The following CADM2 variants were observed in gnomAD, a reference collection of about 807,000 sequenced individuals.
The protein encoded by CADM2 is immunoglobulin superfamily member 4D.
CADM2 carries 12 observed loss-of-function variants against 49.8 expected under a neutral mutation model. That is an observed-to-expected ratio of 0.24 (90% CI 0.15 to 0.39). The LOEUF (loss-of-function observed/expected upper bound fraction) is 0.39, where lower values mean the gene tolerates loss of function less well. Ranked by LOEUF, CADM2 falls within the 10% of genes least tolerant of loss-of-function variation. The pLI, the probability that CADM2 is intolerant of heterozygous loss-of-function variation, is 1.00. For synonymous variants in CADM2, 214 were observed against 175.4 expected (o/e 1.22, Z -1.74); for missense variants, 378 against 492.3 (o/e 0.77, Z 2.20).
At chr3:85,508,296 T>C (rs1360115112) in intron 1 of CADM2, among the ~76,000 whole-genome samples, 2 of 152,180 alleles carry the variant, frequency 1.3e-5, no homozygotes, top group Non-Finnish European at 2.9e-5. Context: ...CAAAATAACC[T>C]ATCCCAGTAG....
At chr3:85,924,221 T>C (rs1289480895) in intron 6 of CADM2, among the ~76,000 whole-genome samples, 3 of 152,202 alleles carry the variant, frequency 2.0e-5, no homozygotes, top group Non-Finnish European at 4.4e-5. Context: ...ACACAAATTA[T>C]GAAATATCAT....
At chr3:85,136,962 A>T (rs1279686387) in intron 1 of CADM2, among the ~76,000 whole-genome samples, 1 of 152,014 alleles carries the variant, frequency 6.6e-6, no homozygotes, top group South Asian at 2.1e-4. Flanking sequence ...TGCAAATAAG[A>T]TATTTCACAC....
At chr3:85,676,291 A>G (rs1577066547) in intron 1 of CADM2, among the ~76,000 whole-genome samples, 1 of 152,034 alleles carries the variant, frequency 6.6e-6, no homozygotes, top group South Asian at 2.1e-4. Flanking sequence ...TTTTTTGTCT[A>G]TTTCCCTCCC....
chr3:85,915,467 C>T (rs2108488949), intron 6 of CADM2, among the ~76,000 whole-genome samples: 1 of 152,110 alleles, frequency 6.6e-6, no homozygotes, highest in South Asian at 2.1e-4. Context: ...AGAACATTCT[C>T]CGGAGATTAA....
intron 2 of CADM2, among the ~76,000 whole-genome samples, chr3:85,764,174 A>G (rs9875880): frequency 0.15 from 22,073 of 145,364 alleles, 2,034 homozygotes; most frequent in Non-Finnish European, 0.21. Flanking sequence ...TCTAAGTACT[A>G]TATTATAAGG....
At chr3:86,009,739 T>C (rs1324569405) in intron 8 of CADM2, among the ~76,000 whole-genome samples, 2 of 151,846 alleles carry the variant, frequency 1.3e-5, no homozygotes, top group Non-Finnish European at 3.0e-5. Context: ...TCTAATGGGA[T>C]TTCATGTGTA....
At chr3:86,013,979 A>G in intron 8 of CADM2, 1 of 1,480,980 alleles carries the variant, frequency 6.8e-7, no homozygotes. Context: ...TATCTGTTGC[A>G]TTAGGAACAA....
intron 7 of CADM2, among the ~76,000 whole-genome samples, chr3:85,945,748 T>G (rs927160190): frequency 2.0e-5 from 3 of 152,072 alleles, no homozygotes; most frequent in Non-Finnish European, 2.9e-5. Flanking sequence ...CTAAAAACTC[T>G]CAATAAATTA....
chr3:85,183,432 CA>C (rs548201167), intron 1 of CADM2, among the ~76,000 whole-genome samples: 195 of 151,902 alleles, frequency 1.3e-3, no homozygotes, highest in African/African-American at 4.2e-3. Context: ...AAGGAATTCA[CA>C]AAGAAAAAAA....
Position 85,979,102 on chromosome 3 carries a change from A to G in CADM2, c.970+17455A>G, listed in dbSNP as rs903983125. The G allele has an allele frequency of 4.5e-6, 7 of 1,561,834 alleles. No individual in the cohort carries two copies. The African/African-American group carries it at 8.2e-5, about 18-fold the overall frequency. ...GTTATATGTATTTATAATTTGAATC[A>G]TTTGTGTTTCTCTTTTGTTTGCATG... is the stretch of plus-strand genomic sequence containing the variant. On this transcript the variant is annotated intron_variant, in intron 8 of 9. Transcript: ENST00000383699.
chr3:85,993,256 T>C (rs1729002170), intron 8 of CADM2: 1 of 152,162 alleles, frequency 6.6e-6, no homozygotes. Context: ...GATTTCAGCT[T>C]AAGAAATCAT....
chr3:85,464,940 C>T (rs1283245212), intron 1 of CADM2, among the ~76,000 whole-genome samples: 1 of 151,986 alleles, frequency 6.6e-6, no homozygotes, highest in African/African-American at 2.4e-5. Flanking sequence ...ACAAGGTCAG[C>T]AGATCAAGAC....
intron 1 of CADM2, among the ~76,000 whole-genome samples, chr3:85,133,268 C>T (rs1559680856): frequency 6.6e-6 from 1 of 152,172 alleles, no homozygotes; most frequent in South Asian, 2.1e-4. Context: ...CTCGCTCGGG[C>T]AGCGTGCTTT....
intron 1 of CADM2, among the ~76,000 whole-genome samples, chr3:85,229,075 A>G: frequency 6.6e-6 from 1 of 152,174 alleles, no homozygotes; most frequent in East Asian, 1.9e-4. Context: ...GGCTCTGCCC[A>G]GTTTGAACTT....
chr3:85,277,935 A>G (rs2043398580), intron 1 of CADM2, among the ~76,000 whole-genome samples: 1 of 151,312 alleles, frequency 6.6e-6, no homozygotes, highest in Non-Finnish European at 1.5e-5. Flanking sequence ...AGGCTACAAT[A>G]TTGATAGCCA....
At chr3:85,336,966 TAAA>T (rs1559786523) in intron 1 of CADM2, among the ~76,000 whole-genome samples, 810 of 17,796 alleles carry the variant, frequency 0.046, 4 homozygotes, top group Non-Finnish European at 0.24. Context: ...ATATATATAT[TAAA>T]TATATATTTA....
chr3:85,688,541 A>C (rs1204004293), intron 1 of CADM2, among the ~76,000 whole-genome samples: 4 of 149,770 alleles, frequency 2.7e-5, no homozygotes, highest in Non-Finnish European at 5.9e-5. Flanking sequence ...TTGGTGATAA[A>C]TTTGGCAGTT....
intron 1 of CADM2, among the ~76,000 whole-genome samples, chr3:85,279,669 A>T (rs1466640421): frequency 6.6e-6 from 1 of 151,500 alleles, no homozygotes; most frequent in Non-Finnish European, 1.5e-5. Context: ...CTAAAATATT[A>T]AGATTTTAAT....
chr3:85,945,382 T>G (rs933103757), intron 7 of CADM2, among the ~76,000 whole-genome samples: 3 of 152,122 alleles, frequency 2.0e-5, no homozygotes, highest in African/African-American at 7.2e-5. Context: ...CTTCTGAAAC[T>G]ATTCCAATCA....
Sources: gnomAD v4.1 joint callset for allele counts (sites outside exome capture counted in the v4.1 genomes callset) on GRCh38, gnomAD v4.1.1 for gene constraint, MANE v1.5 for transcripts, NCBI Gene and HGNC (gene_info 2026-07-23, HGNC 2026-07-21) for gene names.